Variants in CKAP5 observed in about 807,000 individuals in gnomAD.
The protein encoded by CKAP5 is cytoskeleton associated protein 5.
CKAP5 carries 27 observed loss-of-function variants against 232.8 expected under a neutral mutation model. The observed-to-expected ratio is 0.12, with a 90% CI of 0.09 to 0.16. CKAP5 has a LOEUF of 0.16. Among genes scored for constraint, CKAP5 ranks in the 10% least tolerant of loss-of-function variants. The pLI, the probability that CKAP5 is intolerant of heterozygous loss-of-function variation, is 1.00. For missense variants in CKAP5, 1,838 were observed against 2,424.7 expected, an observed-to-expected ratio of 0.76 and a Z score of 5.08; for synonymous variants, 785 against 841.1, an observed-to-expected ratio of 0.93 and a Z score of 1.16.
Position 46,801,209 on chromosome 11 carries a change from A to G in CKAP5, c.1074T>C (p.Tyr358=), listed in dbSNP as rs1939024038. 3 of 1,611,908 alleles carry G rather than the reference A, an allele frequency of 1.9e-6. No individual in the cohort carries two copies. In the Admixed American group the frequency reaches 5.0e-5, roughly 27 times the overall value. The part of the protein sequence containing the change: ...AVGLRKKFGQ[Y]AGHVVPTILE... The stretch of plus-strand genomic sequence containing the variant: ...AAGGAGTGTTACTTACATGTCCTGC[A>G]TATTGTCCAAATTTCTTCCTTAGCC... The change falls in exon 9 of 44, where the codon TAT becomes TAC. Residue 358 remains tyrosine (Y), a synonymous_variant. Coordinates refer to ENST00000529230, the MANE Select transcript of CKAP5 (RefSeq NM_001008938.4).
chr11:46,769,911 G>T, intron 26 of CKAP5, 52 bp downstream of exon 26: 1 of 1,588,208 alleles, frequency 6.3e-7, no homozygotes, highest in South Asian at 1.1e-5. Context: ...TGTCTTTTTA[G>T]AGTTCCTCAG....
chr11:46,782,120 C>A (rs1046525457), intron 18 of CKAP5, among the ~76,000 whole-genome samples: 21 of 152,136 alleles, frequency 1.4e-4, no homozygotes, highest in African/African-American at 5.1e-4. Context: ...CCACCGCGCC[C>A]GGCCTGCCTG....
At chr11:46,763,303 A>G in intron 29 of CKAP5, 124 bp from the exon 30 acceptor site, 2 of 1,012,968 alleles carry the variant, frequency 2.0e-6, no homozygotes, top group Non-Finnish European at 2.9e-6. Context: ...TAAGCCTTCA[A>G]TTAAGACCTA....
At chr11:46,790,053 C>G in intron 15 of CKAP5, 23 bp downstream of exon 15, 1 of 1,473,842 alleles carries the variant, frequency 6.8e-7, no homozygotes, top group Non-Finnish European at 9.4e-7. Context: ...TTCTTTCACA[C>G]TCAATTCTTC....
At chr11:46,781,836 ATTT>A (rs1479819658) in intron 18 of CKAP5, among the ~76,000 whole-genome samples, 1 of 152,074 alleles carries the variant, frequency 6.6e-6, no homozygotes, top group South Asian at 2.1e-4. Flanking sequence ...ATAGATATAT[ATTT>A]TTTGAGATGG....
chr11:46,762,013 T>G lies in CKAP5; in HGVS notation c.4208A>C (p.Lys1403Thr). 1.2e-6 allele frequency: 2 copies of G among 1,612,162 alleles called. No individual in the cohort carries two copies. The highest frequency in any genetic ancestry group is 2.2e-5 in the South Asian group (2 of 90,716). Residue 1403 changes from lysine to threonine, a missense_variant, in exon 32 of 44, where the codon AAA (lysine) becomes ACA (threonine). Lys to Thr is a moderately conservative substitution (Grantham distance 78). This residue lies in a region of CKAP5 where 579 missense variants were observed against 843.2 expected (regional missense o/e 0.69). Coordinates refer to ENST00000529230, the MANE Select transcript of CKAP5 (RefSeq NM_001008938.4). ...GAAGTCACTCACATTTCCAATCAGT[T>G]TGAACACCTGATCCCCATGTACATT... ...VYNVHGDQVF[K>T]LIGNLSEKDM...
Position 46,795,670 on chromosome 11 carries a change from C to T in CKAP5, c.1574G>A (p.Gly525Glu). The T allele has an allele frequency of 6.2e-7, 1 of 1,614,080 alleles. No homozygotes were observed. The highest frequency in any genetic ancestry group is 8.5e-7 in the Non-Finnish European group (1 of 1,180,012). Residue 525 changes from glycine (G) to glutamate (E), a missense_variant, in exon 13 of 44, where the codon GGG becomes GAG. Physicochemically the swap from Gly to Glu is moderately conservative, Grantham distance 98. Coordinates refer to ENST00000529230, the MANE Select transcript of CKAP5 (RefSeq NM_001008938.4). ...KPLPGRTAAS[G>E]AAGDKDTKDI... ...CTTTGTGTCCTTATCTCCTGCAGCC[C>T]CTGAAGCAGCAGTCCTTCCAGGCAG...
At chr11:46,822,176 G>C (rs1034945821) in intron 1 of CKAP5, among the ~76,000 whole-genome samples, 3 of 152,112 alleles carry the variant, frequency 2.0e-5, no homozygotes, top group African/African-American at 7.2e-5. Context: ...AGCTACTCGG[G>C]AAGCTGAGGT....
intron 38 of CKAP5, among the ~76,000 whole-genome samples, chr11:46,752,161 CATATATATATATAT>C (rs142364564): frequency 0.033 from 2,915 of 88,816 alleles, 62 homozygotes; most frequent in Non-Finnish European, 0.046. Context: ...AAGACCAATT[CATATATATATATAT>C]ATATATATAT....
rs2065002691 is a variant in CKAP5, at chr11:46,743,864, T to C, written c.*159A>G. On this transcript the variant is annotated 3_prime_UTR_variant, in exon 44 of 44. Transcript: ENST00000529230. Reference sequence around the variant, plus strand: ...GACGCTGACAGAGAGAAGCAGAGTATGTACAAATACTTGTGCCACAATGAC... The same window carrying C: ...GACGCTGACAGAGAGAAGCAGAGTACGTACAAATACTTGTGCCACAATGAC... 5 of 843,360 alleles carry C rather than the reference T, an allele frequency of 5.9e-6. No homozygotes were observed. The highest frequency in any genetic ancestry group is 2.5e-5 in the Admixed American group (1 of 39,304). 52.2% of individuals were successfully genotyped at this position (843,360 alleles called of 1,614,324 possible). A position where few individuals can be genotyped will look rare whatever the true frequency, so the allele number is the denominator to read the frequency against.
Position 46,760,371 on chromosome 11 carries a change from T to G in CKAP5, c.4394+241A>C, listed in dbSNP as rs868355430. On this transcript the variant is annotated intron_variant, in intron 33 of 43. Transcript: ENST00000529230. ...ACTTACATCCTATAAGTGCGATACA[T>G]AATTCTGTCCACGGAAAAGCAGTGA... The G allele has an allele frequency of 4.6e-6, 3 of 658,428 alleles. No homozygotes were observed. The South Asian group carries it at 4.6e-5, about 10-fold the overall frequency. 40.8% of individuals were successfully genotyped at this position (658,428 alleles called of 1,614,324 possible).
chr11:46,811,103 C>T lies in CKAP5; in HGVS notation c.534G>A (p.Lys178=). 6.2e-7 allele frequency: 1 copy of T among 1,614,042 alleles called. No homozygotes were observed. Among genetic ancestry groups the T allele is most frequent in the Admixed American group, 1.7e-5 (1 of 60,024 alleles). Residue 178 remains lysine (K), a synonymous_variant, in exon 5 of 44, where the codon AAG becomes AAA. Coordinates refer to ENST00000529230, the MANE Select transcript of CKAP5 (RefSeq NM_001008938.4). ...TTAGTTTGGCTTCATCTCGAACAGC[C>T]TTCTCTCGAGACTCAAAGAGTTTTG... is the stretch of plus-strand genomic sequence containing the variant. ...VLPKLFESRE[K]AVRDEAKLIA... is the part of the protein sequence containing the mutation.
At chr11:46,781,403 C>G (rs1471390365) in intron 18 of CKAP5, among the ~76,000 whole-genome samples, 3 of 132,180 alleles carry the variant, frequency 2.3e-5, no homozygotes, top group African/African-American at 8.7e-5. Context: ...TCTCTGACAA[C>G]AGTCAGAATA....
chr11:46,760,247 G>T, intron 33 of CKAP5: 1 of 350,436 alleles, frequency 2.9e-6, no homozygotes, highest in Non-Finnish European at 5.6e-6. Context: ...CCTCTACCCT[G>T]ATTATAAACT....
intron 13 of CKAP5, among the ~76,000 whole-genome samples, chr11:46,794,983 T>C (rs1156744432): frequency 6.6e-6 from 1 of 152,192 alleles, no homozygotes; most frequent in Admixed American, 6.5e-5. Flanking sequence ...TGGATTGTGG[T>C]GATGCTGCAC....
At chr11:46,813,449 C>T (rs1455903402) in intron 4 of CKAP5, among the ~76,000 whole-genome samples, 10 of 152,032 alleles carry the variant, frequency 6.6e-5, no homozygotes, top group Admixed American at 6.5e-4. Context: ...AAAATAGACA[C>T]CTTAATAAAA....
intron 23 of CKAP5, 106 bp from the exon 24 acceptor site, chr11:46,776,489 C>A: frequency 1.3e-6 from 1 of 797,354 alleles, no homozygotes; most frequent in Non-Finnish European, 1.8e-6. Context: ...TATCTAAGGC[C>A]CACATGAACA....
At position 46,752,193 on chromosome 11, in the gene CKAP5, T is replaced by TATATACATAC. The variant is rs1408030107; in HGVS notation, c.5133+441_5133+442insGTATGTATAT. On this transcript the variant is annotated intron_variant, in intron 38 of 43. Transcript: ENST00000529230. ...ATATATATATATATATATATATATA[T>TATATACATAC]ACACACACACACACACACACACACA... 1.8e-4 allele frequency among the ~76,000 whole-genome samples: 12 copies of TATATACATAC among 66,554 alleles called. 1 individual carries two copies. Among genetic ancestry groups the TATATACATAC allele is most frequent in the African/African-American group, 6.1e-4 (12 of 19,600 alleles). The allele number at this position is 66,554 out of a possible 152,430, so 43.7% of individuals were successfully genotyped here.
chr11:46,798,730 G>A (rs1938957079), intron 9 of CKAP5, among the ~76,000 whole-genome samples: 1 of 152,134 alleles, frequency 6.6e-6, no homozygotes, highest in South Asian at 2.1e-4. Context: ...TGGGCAAGGG[G>A]TTTCTTTTTG....
Sources: gnomAD v4.1 joint callset for allele counts (sites outside exome capture counted in the v4.1 genomes callset) on GRCh38, gnomAD v4.1.1 for gene constraint, gnomAD v4.1.1 regional missense constraint, MANE v1.5 for transcripts, NCBI Gene and HGNC (gene_info 2026-07-23, HGNC 2026-07-21) for gene names.